The following TRPV3 variants were observed in gnomAD, a reference collection of about 807,000 sequenced individuals.
The protein encoded by TRPV3 is transient receptor potential cation channel subfamily V member 3, also known as VRL-3.
A neutral mutation model predicts 87.1 loss-of-function variants in TRPV3; 88 were observed. That is an observed-to-expected ratio of 1.01 (90% confidence interval 0.85 to 1.21). The LOEUF (loss-of-function observed/expected upper bound fraction) is 1.21. Among genes scored for constraint, TRPV3 ranks in the 50% most tolerant of loss-of-function variants. TRPV3 has a pLI of 0.00. For missense variants in TRPV3, 1,054 were observed against 1,030.1 expected (o/e 1.02, Z -0.32); for synonymous variants, 438 against 423.3 (o/e 1.03, Z -0.43).
chr17:3,535,502 T>A, intron 7 of TRPV3, 71 bp downstream of exon 7: 9 of 1,068,876 alleles, frequency 8.4e-6, no homozygotes, highest in East Asian at 6.9e-5. Context: ...CTCCTTCCCC[T>A]TCCCTCCCTT....
In TRPV3 at chr17:3,528,204, C is replaced by A; in HGVS notation, c.1402-78G>T. 9.0e-7 allele frequency: 1 copy of A among 1,112,674 alleles called. No individual in the cohort carries two copies. Among genetic ancestry groups the A allele is most frequent in the Non-Finnish European group, 1.3e-6 (1 of 779,460 alleles). 68.9% of individuals were successfully genotyped at this position (1,112,674 alleles called of 1,614,324 possible). Reference sequence around the variant, plus strand: ...GGCACCAACTCTAGAGGGACCAAAACCCAGGTGAAACACTCAAGCCGGGCC... The same window carrying A: ...GGCACCAACTCTAGAGGGACCAAAAACCAGGTGAAACACTCAAGCCGGGCC... On this transcript the variant is annotated intron_variant, in intron 10 of 17. Transcript: ENST00000576742. The surrounding 1 kb of genome is among the most constrained non-coding windows in gnomAD (Gnocchi z 4.2).
intron 2 of TRPV3, chr17:3,546,539 TCTC>T: frequency 2.6e-6 from 1 of 390,866 alleles, no homozygotes; most frequent in South Asian, 1.9e-5. Context: ...CAATTTCTAG[TCTC>T]CTCTTGTCCT....
Position 3,532,829 on chromosome 17 carries a change from T to C in TRPV3, c.893A>G (p.Asn298Ser). 6.2e-7 allele frequency: 1 copy of C among 1,614,238 alleles called. No homozygotes were observed. The highest frequency in any genetic ancestry group is 8.5e-7 in the Non-Finnish European group (1 of 1,180,040). Residue 298 changes from asparagine to serine, a missense_variant, in exon 8 of 18, where the codon AAC (asparagine) becomes AGC (serine). By Grantham distance (46) the Asn-to-Ser change is conservative. Transcript: ENST00000576742. ...CACGGTCACCAGGGCGTGAAGGATG[T>C]TGTTGCCTCGTGAGTCCCGCGAGGT... ...DITSRDSRGN[N>S]ILHALVTVAE...
intron 6 of TRPV3, 57 bp downstream of exon 6, chr17:3,542,465 C>T: frequency 1.9e-6 from 3 of 1,571,992 alleles, no homozygotes; most frequent in Non-Finnish European, 2.6e-6. Context: ...GGCCCTGTGG[C>T]CCCATACCCC....
chr17:3,553,124 C>A, intron 2 of TRPV3: 1 of 152,670 alleles, frequency 6.6e-6, no homozygotes. Context: ...GCCCTCCCAC[C>A]GGGACTCCTC....
At chr17:3,550,052 T>A (rs2074559844) in intron 2 of TRPV3, among the ~76,000 whole-genome samples, 2 of 150,852 alleles carry the variant, frequency 1.3e-5, no homozygotes, top group Admixed American at 1.3e-4. Context: ...GATGGGTGAA[T>A]AAATGATGGA....
intron 12 of TRPV3, 88 bp from the exon 13 acceptor site, chr17:3,524,451 C>A (rs1486682357): frequency 2.0e-6 from 3 of 1,523,346 alleles, no homozygotes; most frequent in Non-Finnish European, 2.7e-6. Context: ...TCCCTTAAAC[C>A]CCCTGAACAG....
rs753815254 is a variant in TRPV3, at chr17:3,528,119, G to A, written c.1409C>T (p.Pro470Leu). The A allele has an allele frequency of 8.7e-6, 14 of 1,612,150 alleles. No homozygotes were observed. Among genetic ancestry groups the A allele is most frequent in the African/African-American group, 5.3e-5 (4 of 74,868 alleles). Residue 470 changes from proline (P) to leucine (L), a missense_variant, in exon 11 of 18, where the codon CCG (proline) becomes CTG (leucine). Transcript: ENST00000576742. This position sits in a 1 kb window ranked among gnomAD's most constrained non-coding sequence, Gnocchi z 4.2. Reference protein sequence around the residue: ...YYRPREEEAIPHPLALTHKMG... With the variant: ...YYRPREEEAILHPLALTHKMG... ...CTTGTGCGTCAGGGCCAAGGGGTGCGGGATGGCCTGCAGGGAAAGAAGAGG... is the reference window on the plus strand; with the variant it reads ...CTTGTGCGTCAGGGCCAAGGGGTGCAGGATGGCCTGCAGGGAAAGAAGAGG...
rs761884995 is a variant in TRPV3, at chr17:3,532,913, G to A, written c.809C>T (p.Ala270Val). ...CACAATCTCGGGCTGGTTGGTGCAT[G>A]CTGCCAGGGCCAGGGGCGTCTCACC... ...YFGETPLALA[A>V]CTNQPEIVQL... Residue 270 changes from alanine (A) to valine (V), a missense_variant, in exon 8 of 18, where the codon GCA becomes GTA. Physicochemically the swap from Ala to Val is moderately conservative, Grantham distance 64. Coordinates refer to ENST00000576742, the MANE Select transcript of TRPV3 (RefSeq NM_145068.4). The A allele has an allele frequency of 1.4e-5, 23 of 1,614,040 alleles. No homozygotes were observed. Among genetic ancestry groups the A allele is most frequent in the Non-Finnish European group, 1.9e-5 (23 of 1,180,036 alleles).
chr17:3,546,914 G>A (rs2074531598), intron 2 of TRPV3: 1 of 266,642 alleles, frequency 3.8e-6, no homozygotes. Context: ...GTTGCGGTGA[G>A]TCAAGATCGT....
In TRPV3 at chr17:3,512,650, C is replaced by T. The variant is rs893400428; in HGVS notation, c.*1267G>A. 1.8e-4 allele frequency: 27 copies of T among 152,076 alleles called. No individual in the cohort carries two copies. The highest frequency in any genetic ancestry group is 6.0e-4 in the African/African-American group (25 of 41,404). The allele number at this position is 152,076 out of a possible 1,614,324, so 9.4% of individuals were successfully genotyped here. A position where few individuals can be genotyped will look rare whatever the true frequency, so the allele number is the denominator to read the frequency against. ...TTCTGGTGGTTTCGGCCCCAGTCAC[C>T]TGGAAAATCCTTCCGTCTCCACTTC... On this transcript the variant is annotated 3_prime_UTR_variant, in exon 18 of 18. Coordinates refer to ENST00000576742, the MANE Select transcript of TRPV3 (RefSeq NM_145068.4).
chr17:3,515,913 G>A (rs1164531699), intron 16 of TRPV3, among the ~76,000 whole-genome samples: 1 of 151,474 alleles, frequency 6.6e-6, no homozygotes, highest in African/African-American at 2.4e-5. Context: ...GGGGCTGGGT[G>A]CGGTGGCTCA....
At chr17:3,554,660 TG>T (rs398119634) in intron 2 of TRPV3, 71 bp downstream of exon 2, 10 of 1,051,192 alleles carry the variant, frequency 9.5e-6, no homozygotes, top group African/African-American at 4.7e-5. Flanking sequence ...AAGGGCTCCC[TG>T]GGGGGGTGCC....
At chr17:3,543,726 C>A in intron 4 of TRPV3, 98 bp from the exon 5 acceptor site, 5 of 1,495,982 alleles carry the variant, frequency 3.3e-6, no homozygotes, top group Non-Finnish European at 4.6e-6. Context: ...CTGCAGCTGC[C>A]GCCAACATCT....
chr17:3,526,787 C>A, intron 12 of TRPV3, 67 bp downstream of exon 12: 2 of 1,288,906 alleles, frequency 1.6e-6, no homozygotes, highest in Non-Finnish European at 2.2e-6. Context: ...GAGGCGGACA[C>A]GGCAGCCACC....
At chr17:3,547,160 C>G (rs888303735) in intron 2 of TRPV3, among the ~76,000 whole-genome samples, 1 of 152,220 alleles carries the variant, frequency 6.6e-6, no homozygotes, top group East Asian at 1.9e-4. Flanking sequence ...ACCTACCCAC[C>G]CTCAGGCCTC....
intron 8 of TRPV3, 131 bp downstream of exon 8, chr17:3,532,526 C>T (rs2074357832): frequency 8.1e-7 from 1 of 1,234,350 alleles, no homozygotes; most frequent in Non-Finnish European, 1.1e-6. Context: ...AGTTCTGGAC[C>T]CAAGGCTGGG....
At chr17:3,534,345 T>C (rs903465326) in intron 7 of TRPV3, among the ~76,000 whole-genome samples, 1 of 151,768 alleles carries the variant, frequency 6.6e-6, no homozygotes, top group Non-Finnish European at 1.5e-5. Context: ...GTGAGCCAGA[T>C]GGCACCACTG....
intron 15 of TRPV3, among the ~76,000 whole-genome samples, chr17:3,517,419 G>A (rs974718233): frequency 2.6e-5 from 4 of 151,826 alleles, no homozygotes; most frequent in South Asian, 2.1e-4. Flanking sequence ...AGGAGTAAGC[G>A]GCCAGCCTAG....
Sources: gnomAD v4.1 joint callset for allele counts (sites outside exome capture counted in the v4.1 genomes callset) on GRCh38, gnomAD v4.1.1 for gene constraint, Gnocchi (gnomAD v3.1) non-coding constraint, MANE v1.5 for transcripts, NCBI Gene and HGNC (gene_info 2026-07-23, HGNC 2026-07-21) for gene names.